Variants in HBP1 observed in about 807,000 individuals in gnomAD.
HBP1 encodes the protein HMG-box transcription factor 1, also known as HMG box-containing protein 1.
Under a neutral mutation model 62.6 loss-of-function variants are expected in HBP1, and 20 were observed. The ratio of observed to expected loss-of-function variants is 0.32; its 90% CI spans 0.22 to 0.46. The LOEUF is 0.46. Ranked by LOEUF, HBP1 falls within the 20% of genes least tolerant of loss-of-function variation. The pLI is 1.00. For synonymous variants in HBP1, 232 were observed against 206.2 expected (o/e 1.12, Z -1.07); for missense variants, 480 against 611.8 (o/e 0.78, Z 2.27).
At chr7:107,189,094 C>T (rs1313539530) in intron 6 of HBP1, among the ~76,000 whole-genome samples, 198 bp from the exon 7 acceptor site, 3 of 152,132 alleles carry the variant, frequency 2.0e-5, no homozygotes, top group Admixed American at 1.3e-4. Context: ...ATTATTTATA[C>T]TTGAGTGTAA....
chr7:107,177,705 A>C (rs1796921209), intron 1 of HBP1, among the ~76,000 whole-genome samples: 1 of 152,220 alleles, frequency 6.6e-6, no homozygotes, highest in Admixed American at 6.5e-5. Flanking sequence ...ATTAGGCCAA[A>C]AGGTATCAAA....
rs770872874 is a variant in HBP1, at chr7:107,186,389, T to C, written c.569T>C (p.Phe190Ser). The change falls in exon 5 of 11, where the codon TTC becomes TCC. Residue 190 changes from phenylalanine to serine, a missense_variant. Transcript: ENST00000222574. ...AATAGTGAGTCAGAATCTGGCATTT[T>C]CTGCATGTCCTCCCTGTCAGATGAT... The part of the protein sequence containing the change: ...RANSESESGI[F>S]CMSSLSDDDD... The C allele has an allele frequency of 1.2e-6, 2 of 1,611,862 alleles. No individual in the cohort carries two copies. The highest frequency in any genetic ancestry group is 2.2e-5 in the South Asian group (2 of 90,934).
At chr7:107,200,465 T>G (rs1798187034) in intron 10 of HBP1, 164 bp downstream of exon 10, 1 of 463,952 alleles carries the variant, frequency 2.2e-6, no homozygotes, top group Admixed American at 4.2e-5. Context: ...ATATAAAGAC[T>G]GCCTTTCCTC....
At chr7:107,198,469 C>T (rs181564911) in intron 9 of HBP1, among the ~76,000 whole-genome samples, 271 of 152,240 alleles carry the variant, frequency 1.8e-3, no homozygotes, top group Non-Finnish European at 3.0e-3. Context: ...CTCTGCCTCC[C>T]AAAGTGCTGG....
chr7:107,187,626 C>T (rs886766141), intron 6 of HBP1, among the ~76,000 whole-genome samples: 4 of 147,150 alleles, frequency 2.7e-5, no homozygotes, highest in Non-Finnish European at 6.2e-5. Flanking sequence ...AGTTTCGTCC[C>T]CTTGCTTTAC....
At chr7:107,187,767 A>G (rs796795192) in intron 6 of HBP1, among the ~76,000 whole-genome samples, 11 of 152,328 alleles carry the variant, frequency 7.2e-5, no homozygotes, top group African/African-American at 2.4e-4. Context: ...TGACATCTGT[A>G]CAACATTTGA....
intron 6 of HBP1, among the ~76,000 whole-genome samples, chr7:107,188,201 G>C (rs1468825640): frequency 6.6e-6 from 1 of 152,132 alleles, no homozygotes; most frequent in African/African-American, 2.4e-5. Context: ...CACATTTCCA[G>C]CTGCATGTTA....
chr7:107,190,889 TG>T (rs1286594442), intron 8 of HBP1, among the ~76,000 whole-genome samples: 1 of 152,204 alleles, frequency 6.6e-6, no homozygotes, highest in Non-Finnish European at 1.5e-5. Context: ...CCATGTGTCC[TG>T]ACTCCAGAAG....
At chr7:107,173,263 C>G (rs1363335272) in intron 1 of HBP1, among the ~76,000 whole-genome samples, 1 of 152,186 alleles carries the variant, frequency 6.6e-6, no homozygotes, top group Non-Finnish European at 1.5e-5. Context: ...TCTTCACCTA[C>G]TCTTTGAAAA....
intron 1 of HBP1, among the ~76,000 whole-genome samples, chr7:107,172,273 T>TA (rs1796636738): frequency 2.0e-5 from 3 of 152,186 alleles, no homozygotes; most frequent in Admixed American, 6.5e-5. Context: ...AGGAGCCATT[T>TA]AACCACTTTA....
At chr7:107,173,283 C>T (rs1015625690) in intron 1 of HBP1, among the ~76,000 whole-genome samples, 4 of 152,114 alleles carry the variant, frequency 2.6e-5, no homozygotes, top group African/African-American at 9.7e-5. Context: ...ACAATTTGAG[C>T]GTGTAGTCTG....
chr7:107,169,554 C>T (rs1273812631), intron 1 of HBP1, among the ~76,000 whole-genome samples: 3 of 149,312 alleles, frequency 2.0e-5, no homozygotes, highest in Admixed American at 6.7e-5. Context: ...GAAAGTTTGA[C>T]TTCAACTCCC....
chr7:107,176,930 A>C (rs1202237858), intron 1 of HBP1, among the ~76,000 whole-genome samples: 1 of 152,180 alleles, frequency 6.6e-6, no homozygotes, highest in Non-Finnish European at 1.5e-5. Context: ...AGGGGCTTGA[A>C]GTAATGGCAT....
chr7:107,176,637 A>G (rs1796863786), intron 1 of HBP1, among the ~76,000 whole-genome samples: 1 of 151,996 alleles, frequency 6.6e-6, no homozygotes, highest in African/African-American at 2.4e-5. Flanking sequence ...ACATTTTTTT[A>G]AGCATATGTA....
chr7:107,194,204 G>C (rs1797782209), intron 8 of HBP1, among the ~76,000 whole-genome samples: 2 of 152,158 alleles, frequency 1.3e-5, no homozygotes. Flanking sequence ...ACTGATTTAA[G>C]TTGTATCCAT....
intron 1 of HBP1, chr7:107,179,617 C>T (rs780641210): frequency 4.1e-5 from 8 of 196,970 alleles, no homozygotes; most frequent in Non-Finnish European, 7.4e-5. Flanking sequence ...ACTAAAAATA[C>T]AAAAATTAGC....
At chr7:107,186,166 CTTTTTTTTTT>C (rs80124304) in intron 4 of HBP1, among the ~76,000 whole-genome samples, 185 bp from the exon 5 acceptor site, 1 of 116,138 alleles carries the variant, frequency 8.6e-6, no homozygotes, top group Non-Finnish European at 1.8e-5. Context: ...CTTTTTTTTT[CTTTTTTTTTT>C]TTTTTTAGCA....
Position 107,171,182 on chromosome 7 carries a change from G to A in HBP1, c.-16+1997G>A, listed in dbSNP as rs1305191652. Among the ~76,000 whole-genome samples, 4 of 147,870 alleles carry A rather than the reference G, an allele frequency of 2.7e-5. No individual in the cohort carries two copies. In the Admixed American group the frequency reaches 2.7e-4, roughly 10 times the overall value. On this transcript the variant is annotated intron_variant, in intron 1 of 10. Coordinates refer to ENST00000222574, the MANE Select transcript of HBP1 (RefSeq NM_012257.4). ...CCTTCTGGGTTCAAGCGATTCTCTTGCCTCAGCCTCCTGAGTAGCTGGGAC... is the reference window on the plus strand; with the variant it reads ...CCTTCTGGGTTCAAGCGATTCTCTTACCTCAGCCTCCTGAGTAGCTGGGAC...
At position 107,199,328 on chromosome 7, in the gene HBP1, C is replaced by T. The variant is rs144462175; in HGVS notation, c.1386-832C>T. 3.7e-3 allele frequency among the ~76,000 whole-genome samples: 563 copies of T among 152,250 alleles called. 2 individuals are homozygous for T. The highest frequency in any genetic ancestry group is 0.013 in the African/African-American group (534 of 41,530). On this transcript the variant is annotated intron_variant, in intron 9 of 10. Transcript: ENST00000222574. ...AACTCGTGGCCTCAAGTGATCTGCC[C>T]GCCTTGGCCTCCAAAAGTGCTGGGA...
Sources: allele counts gnomAD v4.1 joint callset (sites outside exome capture counted in the v4.1 genomes callset), GRCh38; gene constraint gnomAD v4.1.1; transcripts MANE v1.5; gene names NCBI Gene and HGNC (gene_info 2026-07-23, HGNC 2026-07-21).